The following MGAM variants were observed in gnomAD, a reference collection of about 807,000 sequenced individuals.
MGAM encodes the protein alpha-1,4-glucosidase.
Under a neutral mutation model 358.8 loss-of-function variants are expected in MGAM, and 253 were observed. The ratio of observed to expected loss-of-function variants is 0.71; its 90% confidence interval spans 0.64 to 0.78. MGAM has a LOEUF of 0.78. Among genes scored for constraint, MGAM ranks in the 30% least tolerant of loss-of-function variants. MGAM has a pLI of 0.00. For missense variants in MGAM, 3,080 were observed against 3,432.6 expected, an observed-to-expected ratio of 0.90 and a Z score of 2.57; for synonymous variants, 1,105 against 1,227.1, an observed-to-expected ratio of 0.90 and a Z score of 2.08.
intron 6 of MGAM, 129 bp downstream of exon 6, chr7:142,021,866 A>G (rs550397493): frequency 6.2e-5 from 57 of 919,838 alleles, no homozygotes; most frequent in Admixed American, 1.4e-4. Flanking sequence ...CAGAACCTTT[A>G]CCTTCTAAAG....
At chr7:142,027,520 A>C in intron 9 of MGAM, 90 bp from the exon 10 acceptor site, 3 of 1,366,042 alleles carry the variant, frequency 2.2e-6, no homozygotes, top group Non-Finnish European at 3.1e-6. Flanking sequence ...TGGGAAATGG[A>C]CTATGTTTGG....
chr7:142,033,044 A>G lies in MGAM; in HGVS notation c.1669+135A>G, dbSNP rs943813145. The stretch of plus-strand genomic sequence containing the variant: ...AGAAAAAGAAATATGTGGGTAATAT[A>G]TAAGGAAAACTAGGAAGGAAAATAA... On this transcript the variant is annotated intron_variant, in intron 14 of 70. Coordinates refer to ENST00000475668, the MANE Select transcript of MGAM (RefSeq NM_001365693.1). 7 of 555,052 alleles carry G rather than the reference A, an allele frequency of 1.3e-5. No individual in the cohort carries two copies. In the South Asian group the frequency reaches 2.0e-4, roughly 16 times the overall value. The allele number at this position is 555,052 out of a possible 1,614,324, so 34.4% of individuals were successfully genotyped here.
intron 57 of MGAM, among the ~76,000 whole-genome samples, chr7:142,088,594 ATATCTATC>A (rs140862691): frequency 5.7e-5 from 8 of 139,898 alleles, no homozygotes; most frequent in South Asian, 2.3e-4. Context: ...TCATCTATCT[ATATCTATC>A]TATCTATCTA....
chr7:142,088,468 T>TGTATGTATGTATGTA (rs371380239), intron 57 of MGAM, among the ~76,000 whole-genome samples: 4 of 144,892 alleles, frequency 2.8e-5, no homozygotes, highest in African/African-American at 9.8e-5. Context: ...TATGTACGTA[T>TGTATGTATGTATGTA]CTATCTATCT....
chr7:142,024,607 G>A (rs1253761993), intron 7 of MGAM, among the ~76,000 whole-genome samples: 5 of 152,098 alleles, frequency 3.3e-5, no homozygotes, highest in African/African-American at 1.2e-4. Context: ...GGTCTGGGGT[G>A]CAGTCTAGGT....
chr7:142,001,722 C>G (rs1238358042), intron 1 of MGAM, among the ~76,000 whole-genome samples: 1 of 152,164 alleles, frequency 6.6e-6, no homozygotes, highest in Non-Finnish European at 1.5e-5. Context: ...ACCAGGACAG[C>G]AATCAGCATT....
At chr7:142,060,501 C>G (rs570892710) in intron 34 of MGAM, 128 bp downstream of exon 34, 6,921 of 1,088,594 alleles carry the variant, frequency 6.4e-3, no homozygotes, top group African/African-American at 0.063. Flanking sequence ...GGTGATGTGT[C>G]TTGGGTGTCA....
At chr7:142,099,509 G>T in intron 66 of MGAM, 104 bp from the exon 67 acceptor site, 2 of 1,557,794 alleles carry the variant, frequency 1.3e-6, no homozygotes, top group South Asian at 1.1e-5. Context: ...AGGGTGATGA[G>T]CAGGCATAAG....
Position 142,030,418 on chromosome 7 carries a change from T to G in MGAM, c.1278T>G (p.Asp426Glu). 2 of 1,613,548 alleles carry G rather than the reference T, an allele frequency of 1.2e-6. No homozygotes were observed. Among genetic ancestry groups the G allele is most frequent in the Non-Finnish European group, 1.7e-6 (2 of 1,179,668 alleles). Residue 426 changes from aspartate to glutamate, a missense_variant, in exon 11 of 71, where the codon GAT becomes GAG. This residue lies in a region of MGAM where 1,816 missense variants were observed against 1,840.5 expected (regional missense o/e 0.99). Coordinates refer to ENST00000475668, the MANE Select transcript of MGAM (RefSeq NM_001365693.1). ...ATGAGAGAAGGGACTTCACTTATGA[T>G]TCAGTGGATTTTAAAGGCTTCCCTG... ...YMDERRDFTY[D>E]SVDFKGFPEF...
At chr7:142,052,056 T>A (rs956055343) in intron 24 of MGAM, among the ~76,000 whole-genome samples, 2 of 152,166 alleles carry the variant, frequency 1.3e-5, no homozygotes, top group Non-Finnish European at 2.9e-5. Context: ...TTATTTGACC[T>A]AACTGTTTTC....
chr7:142,043,870 TAC>T (rs1809491414), intron 21 of MGAM, among the ~76,000 whole-genome samples: 1 of 115,936 alleles, frequency 8.6e-6, no homozygotes, highest in Non-Finnish European at 1.8e-5. Flanking sequence ...ATACATTATA[TAC>T]ACATACGACG....
chr7:141,998,648 G>T (rs1178781852), intron 1 of MGAM, among the ~76,000 whole-genome samples: 2 of 152,148 alleles, frequency 1.3e-5, no homozygotes, highest in African/African-American at 4.8e-5. Context: ...TGTTTATTCA[G>T]TCTATCATTG....
intron 15 of MGAM, 66 bp downstream of exon 15, chr7:142,034,445 C>G: frequency 8.1e-7 from 1 of 1,230,014 alleles, no homozygotes; most frequent in Non-Finnish European, 1.1e-6. Context: ...GTTTTTAATT[C>G]TTGGAGATTA....
intron 29 of MGAM, 108 bp downstream of exon 29, chr7:142,056,204 C>T (rs529719556): frequency 8.2e-5 from 80 of 971,088 alleles, no homozygotes; most frequent in Admixed American, 2.7e-4. Flanking sequence ...CTTCATTTTA[C>T]GGGCACTGCT....
In MGAM at chr7:142,034,770, A is replaced by G. The variant is rs1297184013; in HGVS notation, c.1888A>G (p.Thr630Ala). The change falls in exon 16 of 71, where the codon ACT becomes GCT. Residue 630 changes from threonine (T) to alanine (A), a missense_variant. Thr to Ala is a moderately conservative substitution (Grantham distance 58). Around this residue, in one of 5 missense-constraint regions of MGAM, gnomAD observed 1,816 missense variants for 1,840.5 expected, o/e 0.99. Transcript: ENST00000475668. Reference sequence around the variant, plus strand: ...TGCAGCACATTGGTTAGGAGACAACACTGCCACCTGGGATGACCTGAGATG... The same window carrying G: ...TGCAGCACATTGGTTAGGAGACAACGCTGCCACCTGGGATGACCTGAGATG... ...KFAAHWLGDNTATWDDLRWSI... is the reference protein window; with the variant it reads ...KFAAHWLGDNAATWDDLRWSI... 24 of 1,613,430 alleles carry G rather than the reference A, an allele frequency of 1.5e-5. No individual in the cohort carries two copies. The highest frequency in any genetic ancestry group is 1.9e-5 in the Non-Finnish European group (22 of 1,179,600).
chr7:142,030,328 A>G (rs1160513655), intron 10 of MGAM, 34 bp from the exon 11 acceptor site: 13 of 1,602,364 alleles, frequency 8.1e-6, no homozygotes, highest in Non-Finnish European at 1.1e-5. Flanking sequence ...GGAAATTCCT[A>G]GGTGCTAATT....
chr7:141,998,409 C>T (rs1554449529), intron 1 of MGAM, among the ~76,000 whole-genome samples: 1 of 152,250 alleles, frequency 6.6e-6, no homozygotes, highest in Non-Finnish European at 1.5e-5. Context: ...CTCCCCTAGC[C>T]CGCCATCCCC....
At position 142,103,401 on chromosome 7, in the gene MGAM, G is replaced by A. The variant is rs1216085434; in HGVS notation, c.8146G>A (p.Val2716Ile). Residue 2716 changes from valine (V) to isoleucine (I), a missense_variant, in exon 70 of 71, where the codon GTC becomes ATC. Coordinates refer to ENST00000475668, the MANE Select transcript of MGAM (RefSeq NM_001365693.1). The part of the protein sequence containing the change: ...TSVSISVSGM[V>I]ITPSFNNDPT... ...TGTCAGCATCTCTGTGAGTGGCATG[G>A]TCATAACACCCTCCTTCAACAATGA... 3 of 1,610,288 alleles carry A rather than the reference G, an allele frequency of 1.9e-6. No individual in the cohort carries two copies. Among genetic ancestry groups the A allele is most frequent in the Non-Finnish European group, 2.5e-6 (3 of 1,178,756 alleles).
chr7:142,026,311 T>C (rs570990070), intron 8 of MGAM, among the ~76,000 whole-genome samples: 15 of 152,302 alleles, frequency 9.8e-5, no homozygotes, highest in African/African-American at 3.6e-4. Context: ...TGGTGGGACA[T>C]GTTCTGTGGT....
Sources: gnomAD v4.1 joint callset for allele counts (sites outside exome capture counted in the v4.1 genomes callset) on GRCh38, gnomAD v4.1.1 for gene constraint, gnomAD v4.1.1 regional missense constraint, MANE v1.5 for transcripts, NCBI Gene and HGNC (gene_info 2026-07-23, HGNC 2026-07-21) for gene names.